The following CNTNAP2 variants were observed in gnomAD, a reference collection of about 807,000 sequenced individuals.
CNTNAP2 encodes the protein contactin-associated protein-like 2.
Under a neutral mutation model 155.2 loss-of-function variants are expected in CNTNAP2, and 98 were observed. The observed-to-expected ratio is 0.63, with a 90% CI of 0.54 to 0.75. The LOEUF (loss-of-function observed/expected upper bound fraction) is 0.75, where lower values mean the gene tolerates loss of function less well. Ranked by LOEUF, CNTNAP2 falls within the 30% of genes least tolerant of loss-of-function variation. The pLI, the probability that CNTNAP2 is intolerant of heterozygous loss-of-function variation, is 0.00. For missense variants in CNTNAP2, 1,727 were observed against 1,688.1 expected, an observed-to-expected ratio of 1.02 and a Z score of -0.40; for synonymous variants, 651 against 631.2, an observed-to-expected ratio of 1.03 and a Z score of -0.47.
intron 18 of CNTNAP2, among the ~76,000 whole-genome samples, chr7:148,177,378 C>T (rs934207846): frequency 2.0e-5 from 3 of 152,136 alleles, no homozygotes; most frequent in Non-Finnish European, 4.4e-5. Flanking sequence ...GTTACACTGC[C>T]CCAAGCCAAG....
rs114276456 is a variant in CNTNAP2 at position 146,534,340 on chromosome 7, C to A, written c.98-239931C>A. Among the ~76,000 whole-genome samples, 1,249 of 152,062 alleles carry A rather than the reference C, an allele frequency of 8.2e-3. 23 individuals are homozygous for A. Among genetic ancestry groups the A allele is most frequent in the African/African-American group, 0.029 (1,195 of 41,482 alleles). ...TGCCAAAGACAGCAACAGAAACCTC[C>A]CATACTCCTGAGGCTTTAGGAACAC... is the stretch of plus-strand genomic sequence containing the variant. On this transcript the variant is annotated intron_variant, in intron 1 of 23. Transcript: ENST00000361727.
chr7:146,316,075 T>C (rs1472956084), intron 1 of CNTNAP2, among the ~76,000 whole-genome samples: 1 of 152,210 alleles, frequency 6.6e-6, no homozygotes, highest in Non-Finnish European at 1.5e-5. Context: ...ACAATGCCTT[T>C]TAATCTTTTT....
intron 9 of CNTNAP2, among the ~76,000 whole-genome samples, chr7:147,388,303 T>C (rs1039125050): frequency 5.3e-5 from 8 of 152,158 alleles, no homozygotes; most frequent in Non-Finnish European, 1.2e-4. Context: ...ATTCTTACTG[T>C]ACTTTCCCTA....
At chr7:148,250,229 C>G (rs567630941) in intron 20 of CNTNAP2, among the ~76,000 whole-genome samples, 2 of 152,312 alleles carry the variant, frequency 1.3e-5, no homozygotes, top group East Asian at 3.9e-4. Flanking sequence ...GTGAGGCTAC[C>G]CTGACCGCCT....
At chr7:147,975,959 T>TG (rs368383743) in intron 14 of CNTNAP2, among the ~76,000 whole-genome samples, 12 of 152,254 alleles carry the variant, frequency 7.9e-5, no homozygotes, top group South Asian at 2.1e-4. Flanking sequence ...TTTTAGACTT[T>TG]GGGGGGGTCT....
intron 1 of CNTNAP2, among the ~76,000 whole-genome samples, chr7:146,501,549 A>G: frequency 6.6e-6 from 1 of 152,072 alleles, no homozygotes; most frequent in East Asian, 1.9e-4. Context: ...TGTAATTAAA[A>G]TCCTGGTAGT....
intron 9 of CNTNAP2, among the ~76,000 whole-genome samples, chr7:147,350,126 G>C (rs535137069): frequency 1.7e-4 from 26 of 151,980 alleles, no homozygotes; most frequent in African/African-American, 6.0e-4. Flanking sequence ...AAGAATATGT[G>C]AGAGGTGTTA....
chr7:147,025,861 T>C (rs1018583503), intron 3 of CNTNAP2, among the ~76,000 whole-genome samples: 2 of 141,696 alleles, frequency 1.4e-5, no homozygotes, highest in Admixed American at 7.1e-5. Flanking sequence ...GTTTTTTTTT[T>C]TTTTAAATTT....
At chr7:148,039,120 C>T (rs967048134) in intron 15 of CNTNAP2, among the ~76,000 whole-genome samples, 3 of 152,072 alleles carry the variant, frequency 2.0e-5, no homozygotes. Flanking sequence ...ACCAGGGAAG[C>T]TGGTAGCATG....
intron 1 of CNTNAP2, among the ~76,000 whole-genome samples, chr7:146,542,930 G>C (rs1797973009): frequency 6.6e-6 from 1 of 151,874 alleles, no homozygotes; most frequent in African/African-American, 2.4e-5. Context: ...GGGAGTTGGG[G>C]AGATGTTGGT....
chr7:146,609,239 G>A (rs1799095835), intron 1 of CNTNAP2, among the ~76,000 whole-genome samples: 1 of 152,190 alleles, frequency 6.6e-6, no homozygotes, highest in African/African-American at 2.4e-5. Context: ...TGATCAGGTG[G>A]TATTGTTTTG....
chr7:146,474,442 C>T (rs1408778215), intron 1 of CNTNAP2, among the ~76,000 whole-genome samples: 1 of 150,480 alleles, frequency 6.6e-6, no homozygotes, highest in Non-Finnish European at 1.5e-5. Context: ...GTCTACCTCC[C>T]TCCATATATT....
At chr7:146,862,161 T>C (rs1407147262) in intron 3 of CNTNAP2, among the ~76,000 whole-genome samples, 2 of 152,224 alleles carry the variant, frequency 1.3e-5, no homozygotes, top group Non-Finnish European at 2.9e-5. Context: ...CAGTTCGTTA[T>C]TCATTCTGAT....
chr7:147,432,410 A>G (rs984401105), intron 10 of CNTNAP2, among the ~76,000 whole-genome samples: 1 of 152,224 alleles, frequency 6.6e-6, no homozygotes, highest in Admixed American at 6.5e-5. Flanking sequence ...TAAAAAATAG[A>G]AATCATGCTG....
At chr7:147,889,744 C>T (rs1302728008) in intron 13 of CNTNAP2, among the ~76,000 whole-genome samples, 2 of 152,080 alleles carry the variant, frequency 1.3e-5, no homozygotes, top group East Asian at 1.9e-4. Context: ...TAGCCATTAG[C>T]ACATATAGCT....
chr7:146,415,742 T>G (rs186957873), intron 1 of CNTNAP2, among the ~76,000 whole-genome samples: 1 of 152,228 alleles, frequency 6.6e-6, no homozygotes, highest in Admixed American at 6.5e-5. Flanking sequence ...TGCTATTCCT[T>G]ATTTTAATGC....
intron 10 of CNTNAP2, among the ~76,000 whole-genome samples, chr7:147,430,362 T>C (rs1258176632): frequency 6.6e-6 from 1 of 152,178 alleles, no homozygotes; most frequent in East Asian, 1.9e-4. Flanking sequence ...AGAATTCCTA[T>C]TTAACTGGTT....
chr7:147,384,765 T>C (rs1796598838), intron 9 of CNTNAP2, among the ~76,000 whole-genome samples: 1 of 152,182 alleles, frequency 6.6e-6, no homozygotes, highest in African/African-American at 2.4e-5. Context: ...TTTATACAAA[T>C]AGTTTTTATT....
At chr7:146,439,778 G>A (rs1175459443) in intron 1 of CNTNAP2, among the ~76,000 whole-genome samples, 2 of 151,420 alleles carry the variant, frequency 1.3e-5, no homozygotes, top group Non-Finnish European at 2.9e-5. Context: ...TCCTTACATT[G>A]TATGCAAAAT....
Sources: gnomAD v4.1 joint callset for allele counts (sites outside exome capture counted in the v4.1 genomes callset) on GRCh38, gnomAD v4.1.1 for gene constraint, MANE v1.5 for transcripts, NCBI Gene and HGNC (gene_info 2026-07-23, HGNC 2026-07-21) for gene names.